CNTN3: variants seen among roughly 807,000 people sequenced by gnomAD.
The protein encoded by CNTN3 is contactin 3.
CNTN3 carries 60 observed loss-of-function variants against 119.1 expected under a neutral mutation model. That is an observed-to-expected ratio of 0.50 (90% CI 0.41 to 0.62). The LOEUF (loss-of-function observed/expected upper bound fraction) is 0.62. Among genes scored for constraint, CNTN3 ranks in the 20% least tolerant of loss-of-function variants. CNTN3 has a pLI of 0.00. For synonymous variants in CNTN3, 450 were observed against 438.7 expected (o/e 1.03, Z -0.32); for missense variants, 1,101 against 1,242.4 (o/e 0.89, Z 1.71).
At chr3:74,507,493 A>G (rs1291031116) in intron 2 of CNTN3, among the ~76,000 whole-genome samples, 2 of 151,948 alleles carry the variant, frequency 1.3e-5, no homozygotes, top group Admixed American at 6.6e-5. Flanking sequence ...AATCTCATAA[A>G]GTAGAAAAGA....
At chr3:74,389,900 A>G (rs1704851211) in intron 5 of CNTN3, among the ~76,000 whole-genome samples, 7 of 152,186 alleles carry the variant, frequency 4.6e-5, no homozygotes, top group Admixed American at 4.6e-4. Context: ...ACTTGGAAGG[A>G]AGCCTTCTTA....
intron 11 of CNTN3, among the ~76,000 whole-genome samples, chr3:74,349,791 T>C (rs1408644491): frequency 2.6e-5 from 4 of 152,222 alleles, no homozygotes; most frequent in Non-Finnish European, 4.4e-5. Flanking sequence ...GCATGTGGGA[T>C]TTTTGGGCCT....
intron 8 of CNTN3, among the ~76,000 whole-genome samples, chr3:74,366,950 C>T (rs766166699): frequency 6.8e-5 from 10 of 146,554 alleles, no homozygotes; most frequent in African/African-American, 1.3e-4. Context: ...TATAGAGACC[C>T]GAGTTTCTAA....
Position 74,369,897 on chromosome 3 carries a change from G to A in CNTN3, c.753C>T (p.Ala251=). 2 of 1,590,338 alleles carry A rather than the reference G, an allele frequency of 1.3e-6. No individual in the cohort carries two copies. The highest frequency in any genetic ancestry group is 8.6e-7 in the Non-Finnish European group (1 of 1,161,034). Reference sequence around the variant, plus strand: ...AATGTTATAAAACTTACTTTCCAAGGGCAAAACATTCCAATTTCACAGTCG... The same window carrying A: ...AATGTTATAAAACTTACTTTCCAAGAGCAAAACATTCCAATTTCACAGTCG... ...KGSTVKLECF[A]LGNPIPQINW... The change falls in exon 7 of 23, where the codon GCC becomes GCT. Residue 251 remains alanine, a synonymous_variant. Coordinates refer to ENST00000263665, the MANE Select transcript of CNTN3 (RefSeq NM_020872.3).
At chr3:74,433,455 G>A (rs74771377) in intron 4 of CNTN3, among the ~76,000 whole-genome samples, 1 of 152,116 alleles carries the variant, frequency 6.6e-6, no homozygotes, top group Admixed American at 6.5e-5. Flanking sequence ...GAAGTATTTC[G>A]TATTTTTCTA....
At chr3:74,404,875 G>A (rs1705286984) in intron 5 of CNTN3, among the ~76,000 whole-genome samples, 1 of 152,002 alleles carries the variant, frequency 6.6e-6, no homozygotes, top group African/African-American at 2.4e-5. Flanking sequence ...AAGAGCACCA[G>A]TGGTAGGGAC....
intron 5 of CNTN3, among the ~76,000 whole-genome samples, chr3:74,415,547 A>T (rs1282226840): frequency 6.6e-6 from 1 of 152,150 alleles, no homozygotes; most frequent in Non-Finnish European, 1.5e-5. Flanking sequence ...ACATACATAC[A>T]CACATATCAT....
chr3:74,524,595 G>T (rs889454531), intron 1 of CNTN3, among the ~76,000 whole-genome samples: 1 of 151,802 alleles, frequency 6.6e-6, no homozygotes, highest in Non-Finnish European at 1.5e-5. Flanking sequence ...TCCTAGTGTA[G>T]ACAAGTACTT....
chr3:74,326,156 T>A (rs542474548), intron 13 of CNTN3, among the ~76,000 whole-genome samples: 1 of 152,266 alleles, frequency 6.6e-6, no homozygotes, highest in Non-Finnish European at 1.5e-5. Flanking sequence ...TCTCTCTTTC[T>A]ATCTCTGGCC....
intron 4 of CNTN3, among the ~76,000 whole-genome samples, chr3:74,433,084 A>G (rs1275375590): frequency 6.6e-6 from 1 of 152,138 alleles, no homozygotes; most frequent in Non-Finnish European, 1.5e-5. Flanking sequence ...ATCTGGGTAC[A>G]TTATCGAAAT....
intron 11 of CNTN3, among the ~76,000 whole-genome samples, chr3:74,357,708 T>C (rs1703970420): frequency 6.6e-6 from 1 of 152,164 alleles, no homozygotes; most frequent in Non-Finnish European, 1.5e-5. Flanking sequence ...GCCTCTATGT[T>C]AGGCTAGAGA....
chr3:74,463,290 A>G (rs1245250233), intron 4 of CNTN3, among the ~76,000 whole-genome samples: 1 of 152,146 alleles, frequency 6.6e-6, no homozygotes, highest in Non-Finnish European at 1.5e-5. Context: ...TCTCCCATAG[A>G]GTTTAGTATC....
At chr3:74,439,715 A>G (rs965904489) in intron 4 of CNTN3, among the ~76,000 whole-genome samples, 1 of 152,124 alleles carries the variant, frequency 6.6e-6, no homozygotes, top group Admixed American at 6.5e-5. Context: ...AACCAAATTA[A>G]AGCTTAAGCT....
At chr3:74,342,866 C>T (rs746574724) in intron 11 of CNTN3, among the ~76,000 whole-genome samples, 2 of 152,144 alleles carry the variant, frequency 1.3e-5, no homozygotes, top group African/African-American at 2.4e-5. Flanking sequence ...ATACTCTCAT[C>T]TGAAACATTT....
At chr3:74,294,211 A>T (rs1702289205) in intron 19 of CNTN3, among the ~76,000 whole-genome samples, 1 of 152,148 alleles carries the variant, frequency 6.6e-6, no homozygotes, top group African/African-American at 2.4e-5. Flanking sequence ...TGAAATCACA[A>T]CTATGAATCC....
intron 4 of CNTN3, among the ~76,000 whole-genome samples, chr3:74,467,357 T>TCTAAAAAAATCTAAAAAAATCTAAAAAAA (rs1702479936): frequency 1.3e-5 from 2 of 151,974 alleles, no homozygotes; most frequent in Non-Finnish European, 2.9e-5. Context: ...CTAACAAAAA[T>TCTAAAAAAATCTAAAAAAATCTAAAAAAA]GGTGGGGGAT....
chr3:74,286,467 A>G (rs1702117756), intron 19 of CNTN3, among the ~76,000 whole-genome samples: 1 of 152,206 alleles, frequency 6.6e-6, no homozygotes, highest in Non-Finnish European at 1.5e-5. Flanking sequence ...TATTAAAAAA[A>G]TAAAATCAAT....
intron 4 of CNTN3, among the ~76,000 whole-genome samples, chr3:74,465,034 G>C (rs1181405643): frequency 6.6e-6 from 1 of 152,128 alleles, no homozygotes; most frequent in East Asian, 1.9e-4. Context: ...AAAAGTCATG[G>C]TGATTTCTAG....
intron 4 of CNTN3, among the ~76,000 whole-genome samples, chr3:74,472,441 T>C (rs562986236): frequency 6.6e-6 from 1 of 152,238 alleles, no homozygotes; most frequent in South Asian, 2.1e-4. Flanking sequence ...TTCCCCCCAA[T>C]AATGTAGAGC....
Sources: gnomAD v4.1 joint callset for allele counts (sites outside exome capture counted in the v4.1 genomes callset) on GRCh38, gnomAD v4.1.1 for gene constraint, MANE v1.5 for transcripts, NCBI Gene and HGNC (gene_info 2026-07-23, HGNC 2026-07-21) for gene names.